Variants in CLIC5 observed in about 807,000 individuals in gnomAD.
The protein encoded by CLIC5 is chloride intracellular channel protein 5.
A neutral mutation model predicts 24.7 loss-of-function variants in CLIC5; 20 were observed. The observed-to-expected ratio is 0.81, with a 90% CI of 0.57 to 1.18. The LOEUF is 1.18. Ranked by LOEUF, CLIC5 falls within the 50% of genes most tolerant of loss-of-function variation. The pLI is 0.00. For missense variants in CLIC5, 341 were observed against 326.1 expected (o/e 1.05, Z -0.35); for synonymous variants, 159 against 135.6 (o/e 1.17, Z -1.20).
chr6:45,954,882 G>A (rs529583178), intron 2 of CLIC5, among the ~76,000 whole-genome samples: 28 of 152,322 alleles, frequency 1.8e-4, no homozygotes, highest in African/African-American at 6.7e-4. Context: ...TAGTTGCAAT[G>A]CCATTGTCCA....
At chr6:46,048,892 G>A (rs1407338616) in intron 1 of CLIC5, among the ~76,000 whole-genome samples, 1 of 152,112 alleles carries the variant, frequency 6.6e-6, no homozygotes, top group African/African-American at 2.4e-5. Context: ...AGGGAAAATG[G>A]ACTCTTCATA....
rs145575749 is a variant in CLIC5 at position 45,999,106 on chromosome 6, C to A, written c.63+16374G>T. Among the ~76,000 whole-genome samples, 443 of 152,236 alleles carry A rather than the reference C, an allele frequency of 2.9e-3. 1 individual carries two copies. The highest frequency in any genetic ancestry group is 9.3e-3 in the African/African-American group (388 of 41,550). On this transcript the variant is annotated intron_variant, in intron 1 of 5. Coordinates refer to ENST00000339561, the MANE Select transcript of CLIC5 (RefSeq NM_016929.5). ...AGTCCTTTTGGAACCTCCCATGGGACCTCACACAGTGAGGTACACAAGAGA... is the reference window on the plus strand; with the variant it reads ...AGTCCTTTTGGAACCTCCCATGGGAACTCACACAGTGAGGTACACAAGAGA...
At chr6:46,064,477 A>G (rs1562032409) in intron 1 of CLIC5, among the ~76,000 whole-genome samples, 1 of 152,192 alleles carries the variant, frequency 6.6e-6, no homozygotes, top group Non-Finnish European at 1.5e-5. Context: ...ATACACCTGA[A>G]TATTTCTCAT....
At chr6:46,121,590 T>G in the CLIC5 span, among the ~76,000 whole-genome samples, 1 of 152,168 alleles carries the variant, frequency 6.6e-6, no homozygotes, top group Non-Finnish European at 1.5e-5. Context: ...AATATGAACC[T>G]TAAATGTAAA....
chr6:46,051,488 G>A (rs10948274), intron 1 of CLIC5, among the ~76,000 whole-genome samples: 29,068 of 152,136 alleles, frequency 0.19, 3,011 homozygotes, highest in South Asian at 0.35. Flanking sequence ...TCTTGATTTA[G>A]CTCTACGTGC....
At chr6:45,994,734 G>C (rs10948268) in intron 1 of CLIC5, among the ~76,000 whole-genome samples, 3 of 151,914 alleles carry the variant, frequency 2.0e-5, no homozygotes, top group African/African-American at 4.8e-5. Context: ...CAGTGCCCAC[G>C]GACCTACAGA....
At chr6:46,102,744 T>C in the CLIC5 span, 1 of 152,370 alleles carries the variant, frequency 6.6e-6, no homozygotes, top group African/African-American at 2.4e-5. Flanking sequence ...GATTGTTTTT[T>C]TAAAGCATGA....
rs1389046699 is a variant in CLIC5 at position 45,927,762 on chromosome 6, G to A, written c.407-13353C>T. ...AAGTTTACTGTCCTTTGATGAGGAT[G>A]CTGTGAAACTAGAATTCAAAGCCAT... On this transcript the variant is annotated intron_variant, in intron 4 of 5. Coordinates refer to ENST00000339561, the MANE Select transcript of CLIC5 (RefSeq NM_016929.5). Among the ~76,000 whole-genome samples the A allele has an allele frequency of 2.6e-5, 4 of 152,116 alleles. No individual in the cohort carries two copies. The South Asian group carries it at 6.2e-4, about 24-fold the overall frequency.
chr6:45,895,209 C>T (rs2127285881), downstream of CLIC5, among the ~76,000 whole-genome samples: 1 of 152,212 alleles, frequency 6.6e-6, no homozygotes, highest in African/African-American at 2.4e-5. Context: ...TCGTTTAAAC[C>T]TTATTTAGTC....
At chr6:46,070,889 T>C (rs1052855889) in intron 1 of CLIC5, among the ~76,000 whole-genome samples, 4 of 152,010 alleles carry the variant, frequency 2.6e-5, no homozygotes, top group Admixed American at 6.6e-5. Flanking sequence ...CATTCACCAA[T>C]GGAACAGAAT....
intron 1 of CLIC5, among the ~76,000 whole-genome samples, chr6:46,001,099 GC>G (rs1388651001): frequency 2.6e-5 from 4 of 152,220 alleles, no homozygotes; most frequent in African/African-American, 7.2e-5. Flanking sequence ...GATGGAAAAT[GC>G]TTTCTGAGGA....
intron 1 of CLIC5, among the ~76,000 whole-genome samples, chr6:46,040,642 GT>G (rs1333738240): frequency 5.9e-5 from 9 of 152,054 alleles, no homozygotes; most frequent in African/African-American, 2.2e-4. Flanking sequence ...TGGTAGTGAT[GT>G]TGATGTCGAC....
chr6:46,127,911 G>T, the CLIC5 span, among the ~76,000 whole-genome samples: 1 of 152,182 alleles, frequency 6.6e-6, no homozygotes, highest in Non-Finnish European at 1.5e-5. Flanking sequence ...TCCTGTTGCT[G>T]CTGGTAGTTA....
chr6:45,937,734 C>T (rs948982553), intron 4 of CLIC5: 2 of 152,170 alleles, frequency 1.3e-5, no homozygotes, highest in Non-Finnish European at 2.9e-5. Context: ...ACTGAATGTA[C>T]AAACTAATGG....
At chr6:45,949,216 C>A (rs777823081) in intron 3 of CLIC5, 40 bp downstream of exon 3, 2 of 1,598,896 alleles carry the variant, frequency 1.3e-6, no homozygotes, top group Non-Finnish European at 1.7e-6. Flanking sequence ...CAGCATGAAC[C>A]CTTCCCATTC....
chr6:45,995,068 C>A (rs1002188000), intron 1 of CLIC5, among the ~76,000 whole-genome samples: 4 of 151,940 alleles, frequency 2.6e-5, no homozygotes, highest in African/African-American at 4.8e-5. Flanking sequence ...TTAAAAAAAA[C>A]CTCAAGGTGG....
intron 4 of CLIC5, among the ~76,000 whole-genome samples, chr6:45,927,784 C>G (rs773165617): frequency 1.8e-4 from 27 of 152,100 alleles, no homozygotes; most frequent in Admixed American, 4.6e-4. Context: ...GAATTCAAAG[C>G]CATCTCTTTG....
chr6:45,884,296 T>C (rs1293360816), intron 6 of CLIC5, among the ~76,000 whole-genome samples: 6 of 152,166 alleles, frequency 3.9e-5, no homozygotes, highest in Non-Finnish European at 8.8e-5. Flanking sequence ...AAACCAGCCT[T>C]GTTTACAGGT....
chr6:46,013,797 C>T (rs954018004), intron 1 of CLIC5, among the ~76,000 whole-genome samples: 1 of 152,194 alleles, frequency 6.6e-6, no homozygotes, highest in African/African-American at 2.4e-5. Flanking sequence ...AGAAACTTGA[C>T]ACCTTGAAAC....
Sources: allele counts gnomAD v4.1 joint callset (sites outside exome capture counted in the v4.1 genomes callset), GRCh38; gene constraint gnomAD v4.1.1; transcripts MANE v1.5; gene names NCBI Gene and HGNC (gene_info 2026-07-23, HGNC 2026-07-21).